The following ANKMY1 variants were observed in gnomAD, a reference collection of about 807,000 sequenced individuals.
ANKMY1 encodes ankyrin repeat and MYND domain containing 1.
Under a neutral mutation model 102.0 loss-of-function variants are expected in ANKMY1, and 98 were observed. The ratio of observed to expected loss-of-function variants is 0.96; its 90% CI spans 0.82 to 1.14. The LOEUF (loss-of-function observed/expected upper bound fraction) is 1.14. ANKMY1 is among the 50% of genes most tolerant of loss of function. The pLI is 0.00. For missense variants in ANKMY1, 1,330 were observed against 1,347.6 expected, an observed-to-expected ratio of 0.99 and a Z score of 0.20; for synonymous variants, 582 against 559.9, an observed-to-expected ratio of 1.04 and a Z score of -0.56.
intron 15 of ANKMY1, among the ~76,000 whole-genome samples, chr2:240,498,031 T>A (rs1574955239): frequency 6.6e-6 from 1 of 151,858 alleles, no homozygotes; most frequent in East Asian, 2.0e-4. Context: ...AGAGCCTGTA[T>A]CCCCCAAGTG....
At chr2:240,530,173 C>T (rs1265665899) in intron 4 of ANKMY1, among the ~76,000 whole-genome samples, 1 of 152,224 alleles carries the variant, frequency 6.6e-6, no homozygotes, top group African/African-American at 2.4e-5. Flanking sequence ...CCTCACAAAA[C>T]AACCAGTGAG....
At position 240,507,628 on chromosome 2, in the gene ANKMY1, T is replaced by C. The variant is rs774924188; in HGVS notation, c.2458A>G (p.Ser820Gly). ...AGGTCACAGGCAACACACAGGGCAC[T>C]GCCCAAGCCTTTGGTCAGGGGCAGG... ...PNLPLTKGLG[S>G]ALCVACDLTY... The change falls in exon 13 of 18, where the codon AGT becomes GGT. Residue 820 changes from serine to glycine, a missense_variant. By Grantham distance (56) the Ser-to-Gly change is moderately conservative. Coordinates refer to ENST00000401804, the MANE Select transcript of ANKMY1 (RefSeq NM_001282771.3). The C allele has an allele frequency of 1.2e-6, 2 of 1,611,904 alleles. No homozygotes were observed. The highest frequency in any genetic ancestry group is 1.7e-6 in the Non-Finnish European group (2 of 1,178,916).
chr2:240,502,267 C>T (rs1010442056), intron 13 of ANKMY1, among the ~76,000 whole-genome samples: 1 of 151,486 alleles, frequency 6.6e-6, no homozygotes, highest in African/African-American at 2.4e-5. Flanking sequence ...GGCAGTGATG[C>T]AGCCACCTAC....
At position 240,509,446 on chromosome 2, in the gene ANKMY1, C is replaced by G; in HGVS notation, c.2296G>C (p.Asp766His). The G allele has an allele frequency of 6.2e-7, 1 of 1,612,040 alleles. No individual in the cohort carries two copies. Among genetic ancestry groups the G allele is most frequent in the Non-Finnish European group, 8.5e-7 (1 of 1,179,010 alleles). ...EREDDNKCAR[D>H]IVRLLLSHGA... ...TGGGATAGAAGGAGCCGGACTATGT[C>G]CCTGGCACACTGGGTGGGGAGAAAT... The change falls in exon 12 of 18, where the codon GAC becomes CAC. Residue 766 changes from aspartate to histidine, a missense_variant. Asp to His is a moderately conservative substitution (Grantham distance 81). Coordinates refer to ENST00000401804, the MANE Select transcript of ANKMY1 (RefSeq NM_001282771.3).
At position 240,506,007 on chromosome 2, in the gene ANKMY1, C is replaced by T. The variant is rs1350075918; in HGVS notation, c.2526+1553G>A. On this transcript the variant is annotated intron_variant, in intron 13 of 17. Transcript: ENST00000401804. The surrounding 1 kb of genome is among the most constrained non-coding windows in gnomAD (Gnocchi z 4.9). ...AGCATGGTTAGGGTTGGCAGCACTA[C>T]CAGGTTCCCTAACCCCGGATGAGGC... Among the ~76,000 whole-genome samples, 1 of 152,176 alleles carries T rather than the reference C, an allele frequency of 6.6e-6. No individual in the cohort carries two copies. The highest frequency in any genetic ancestry group is 1.5e-5 in the Non-Finnish European group (1 of 68,024).
chr2:240,533,545 T>G (rs558923732), intron 4 of ANKMY1, among the ~76,000 whole-genome samples: 1 of 152,354 alleles, frequency 6.6e-6, no homozygotes, highest in East Asian at 1.9e-4. Flanking sequence ...GTATCTTACA[T>G]TCTTTTTTCT....
At chr2:240,473,236 T>TA in the ANKMY1 span, among the ~76,000 whole-genome samples, 1 of 149,082 alleles carries the variant, frequency 6.7e-6, no homozygotes, top group Non-Finnish European at 1.5e-5. Context: ...ACAATCATCT[T>TA]AAAAAAACTC....
At chr2:240,487,524 A>AT (rs796808866) in intron 15 of ANKMY1, among the ~76,000 whole-genome samples, 439 of 148,476 alleles carry the variant, frequency 3.0e-3, no homozygotes, top group African/African-American at 9.7e-3. Flanking sequence ...TCAAATGATA[A>AT]TTTTTTTTTT....
chr2:240,522,395 G>A (rs1364446514), intron 8 of ANKMY1: 2 of 152,234 alleles, frequency 1.3e-5, no homozygotes, highest in Non-Finnish European at 2.9e-5. Flanking sequence ...GGAGAAGGAT[G>A]GCACTGTTTT....
rs186524322 is a variant in ANKMY1, at chr2:240,525,662, G to A, written c.1335+23C>T. ...AAGACTACAGGAGACAGTTGGTGGT[G>A]CAGTGGCCACCGGGGGGCTTACCTG... On this transcript the variant is annotated intron_variant, in intron 7 of 17. Coordinates refer to ENST00000401804, the MANE Select transcript of ANKMY1 (RefSeq NM_001282771.3). The A allele has an allele frequency of 1.0e-3, 1,625 of 1,610,998 alleles. 17 individuals are homozygous for A. The African/African-American group carries it at 0.017, about 17-fold the overall frequency.
chr2:240,472,993 T>C, the ANKMY1 span, among the ~76,000 whole-genome samples: 5 of 81,462 alleles, frequency 6.1e-5, no homozygotes, highest in African/African-American at 4.1e-4. Flanking sequence ...GACATGGTGG[T>C]GCATGCTTGT....
intron 4 of ANKMY1, among the ~76,000 whole-genome samples, chr2:240,542,162 T>G (rs1327161749): frequency 3.5e-5 from 5 of 142,628 alleles, no homozygotes; most frequent in Non-Finnish European, 6.0e-5. Flanking sequence ...GAGCCAAGAT[T>G]GTACCACTGC....
At chr2:240,512,488 G>C (rs1231693831) in intron 10 of ANKMY1, among the ~76,000 whole-genome samples, 1 of 152,196 alleles carries the variant, frequency 6.6e-6, no homozygotes, top group Non-Finnish European at 1.5e-5. Context: ...CTGCAATTAT[G>C]AACCTTCGGA....
the ANKMY1 span, among the ~76,000 whole-genome samples, chr2:240,468,960 C>T: frequency 6.6e-6 from 1 of 152,226 alleles, no homozygotes; most frequent in Non-Finnish European, 1.5e-5. Context: ...CAGGCCCCTC[C>T]GCAAGTCCCA....
chr2:240,530,968 A>AGAAAAGT (rs956211070), intron 4 of ANKMY1, among the ~76,000 whole-genome samples: 3 of 152,150 alleles, frequency 2.0e-5, no homozygotes, highest in Non-Finnish European at 2.9e-5. Flanking sequence ...GTCATTGTTA[A>AGAAAAGT]GAAAAGTGAA....
chr2:240,509,213 G>GTGGATGGA (rs1397897896), intron 12 of ANKMY1, 135 bp downstream of exon 12: 3 of 679,270 alleles, frequency 4.4e-6, no homozygotes, highest in Middle Eastern at 4.0e-4. Flanking sequence ...GAGTGGATGG[G>GTGGATGGA]TGGATGGATG....
In ANKMY1 at chr2:240,524,307, A is replaced by G; in HGVS notation, c.1410T>C (p.Tyr470=). Residue 470 remains tyrosine, a synonymous_variant, in exon 8 of 18, where the codon TAT becomes TAC. Coordinates refer to ENST00000401804, the MANE Select transcript of ANKMY1 (RefSeq NM_001282771.3). Reference sequence around the variant, plus strand: ...TACCCTGGGAAGGCACGTTCACCTCATAGTACAGAGACTCCAGGTTTGTGT... The same window carrying G: ...TACCCTGGGAAGGCACGTTCACCTCGTAGTACAGAGACTCCAGGTTTGTGT... ...FMDTNLESLY[Y]EVNVPSQGSY... is the part of the protein sequence containing the mutation. 1 of 1,613,798 alleles carries G rather than the reference A, an allele frequency of 6.2e-7. No homozygotes were observed. Among genetic ancestry groups the G allele is most frequent in the East Asian group, 2.2e-5 (1 of 44,882 alleles).
intron 7 of ANKMY1, 140 bp from the exon 8 acceptor site, chr2:240,524,521 C>A: frequency 1.1e-6 from 1 of 951,224 alleles, no homozygotes; most frequent in African/African-American, 1.7e-5. Context: ...GGGCAGCTTT[C>A]CCCAAACCCT....
At chr2:240,561,021 G>A, upstream of ANKMY1, 2 of 1,537,250 alleles carry the variant, frequency 1.3e-6, no homozygotes, top group South Asian at 1.2e-5. Flanking sequence ...CTCGGCCGCC[G>A]TCTGCACCGC....
Sources: gnomAD v4.1 joint callset for allele counts (sites outside exome capture counted in the v4.1 genomes callset) on GRCh38, gnomAD v4.1.1 for gene constraint, Gnocchi (gnomAD v3.1) non-coding constraint, MANE v1.5 for transcripts, NCBI Gene and HGNC (gene_info 2026-07-23, HGNC 2026-07-21) for gene names.